RIT2: variants seen among roughly 807,000 people sequenced by gnomAD.
RIT2 encodes the protein Ras like without CAAX 2, also known as GTP-binding protein Rit2.
A neutral mutation model predicts 23.7 loss-of-function variants in RIT2; 24 were observed. The observed-to-expected ratio is 1.01, with a 90% CI of 0.73 to 1.43. The LOEUF (loss-of-function observed/expected upper bound fraction) is 1.43. Ranked by LOEUF, RIT2 falls within the 40% of genes most tolerant of loss-of-function variation. The pLI, the probability that RIT2 is intolerant of heterozygous loss-of-function variation, is 0.00. For synonymous variants in RIT2, 107 were observed against 91.1 expected (o/e 1.17, Z -0.99); for missense variants, 236 against 266.9 (o/e 0.88, Z 0.81).
intron 4 of RIT2, among the ~76,000 whole-genome samples, chr18:42,859,330 T>C (rs971838141): frequency 2.0e-5 from 3 of 152,248 alleles, no homozygotes; most frequent in Admixed American, 2.0e-4. Context: ...CCTGTGCATA[T>C]TGACCATTTA....
intron 2 of RIT2, among the ~76,000 whole-genome samples, chr18:42,978,781 A>G (rs1167911514): frequency 1.3e-5 from 2 of 152,148 alleles, no homozygotes; most frequent in African/African-American, 4.8e-5. Context: ...GCAGAATTGC[A>G]TAAGAAGAAA....
At chr18:43,085,633 G>A (rs930446883) in intron 1 of RIT2, among the ~76,000 whole-genome samples, 2 of 152,046 alleles carry the variant, frequency 1.3e-5, no homozygotes, top group African/African-American at 4.8e-5. Flanking sequence ...TTTGCATAAT[G>A]TCCTCCAGTT....
chr18:42,846,423 A>C (rs942600159), intron 4 of RIT2, among the ~76,000 whole-genome samples: 1 of 152,012 alleles, frequency 6.6e-6, no homozygotes, highest in Non-Finnish European at 1.5e-5. Context: ...TAAAAACATA[A>C]ACTTACATAA....
intron 4 of RIT2, among the ~76,000 whole-genome samples, chr18:42,751,161 C>T (rs866413197): frequency 6.6e-6 from 1 of 151,710 alleles, no homozygotes; most frequent in African/African-American, 2.4e-5. Flanking sequence ...GTCAGTGGTG[C>T]CCTGACATTG....
At chr18:43,105,502 G>GAGGAAGGAAGGAAGAAAGGC (rs1336223919) in intron 1 of RIT2, among the ~76,000 whole-genome samples, 1 of 57,498 alleles carries the variant, frequency 1.7e-5, no homozygotes, top group Admixed American at 2.2e-4. Context: ...GGAAGAAAGG[G>GAGGAAGGAAGGAAGAAAGGC]AGGGAGGGAG....
chr18:42,764,820 T>A (rs1193951664), intron 4 of RIT2, among the ~76,000 whole-genome samples: 2 of 152,252 alleles, frequency 1.3e-5, no homozygotes, highest in African/African-American at 4.8e-5. Context: ...GAGAAAGCTA[T>A]GAAGTATTAG....
chr18:42,852,377 A>C (rs1358405205), intron 4 of RIT2, among the ~76,000 whole-genome samples: 2 of 152,186 alleles, frequency 1.3e-5, no homozygotes, highest in Non-Finnish European at 2.9e-5. Flanking sequence ...ATCACAGATA[A>C]ATGTCCTATT....
intron 4 of RIT2, among the ~76,000 whole-genome samples, chr18:42,906,303 C>G (rs1032931321): frequency 4.0e-5 from 6 of 151,878 alleles, no homozygotes; most frequent in Non-Finnish European, 8.8e-5. Context: ...AGTAAAAAAT[C>G]AAATCTGTCT....
chr18:42,754,977 C>G, intron 4 of RIT2, among the ~76,000 whole-genome samples: 1 of 152,150 alleles, frequency 6.6e-6, no homozygotes, highest in Non-Finnish European at 1.5e-5. Context: ...GGCTACACCA[C>G]TTTTTAGCCA....
chr18:42,890,748 G>C (rs76770190), intron 4 of RIT2, among the ~76,000 whole-genome samples: 2 of 151,978 alleles, frequency 1.3e-5, no homozygotes, highest in East Asian at 3.9e-4. Flanking sequence ...CATTCTTTCA[G>C]CTATGTTGCC....
chr18:42,960,612 G>A (rs1229973315), intron 3 of RIT2, among the ~76,000 whole-genome samples: 1 of 152,136 alleles, frequency 6.6e-6, no homozygotes, highest in South Asian at 2.1e-4. Context: ...ACTGCACCCA[G>A]CCCTGCCAAT....
At chr18:42,798,473 T>G (rs1241210573) in intron 4 of RIT2, among the ~76,000 whole-genome samples, 5 of 152,228 alleles carry the variant, frequency 3.3e-5, no homozygotes, top group African/African-American at 1.2e-4. Flanking sequence ...TCCAATAGTT[T>G]ATAATAATAT....
chr18:42,923,561 T>C lies in RIT2; in HGVS notation c.426+11A>G, dbSNP rs1472662551. The stretch of plus-strand genomic sequence containing the variant: ...AAAAGACAGAAGCTACCAGATAAAA[T>C]CGGCACTCACCTGGCGGAACTGTTC... On this transcript the variant is annotated intron_variant, in intron 4 of 4. Coordinates refer to ENST00000326695, the MANE Select transcript of RIT2 (RefSeq NM_002930.4). 5 of 1,610,434 alleles carry C rather than the reference T, an allele frequency of 3.1e-6. No homozygotes were observed. Among genetic ancestry groups the C allele is most frequent in the Non-Finnish European group, 4.2e-6 (5 of 1,177,596 alleles).
At chr18:42,760,793 T>C (rs754903609) in intron 4 of RIT2, among the ~76,000 whole-genome samples, 4 of 152,226 alleles carry the variant, frequency 2.6e-5, no homozygotes, top group Non-Finnish European at 4.4e-5. Context: ...AGGGACCTTT[T>C]GCTTGTTTAT....
chr18:42,745,701 C>T (rs1420675830), intron 4 of RIT2, among the ~76,000 whole-genome samples: 1 of 151,936 alleles, frequency 6.6e-6, no homozygotes, highest in Admixed American at 6.6e-5. Context: ...AGCAATTGAG[C>T]AAAGTTATGT....
At chr18:42,868,499 ACAAAC>A (rs1907532324) in intron 4 of RIT2, among the ~76,000 whole-genome samples, 2 of 152,376 alleles carry the variant, frequency 1.3e-5, no homozygotes, top group East Asian at 1.9e-4. Flanking sequence ...GATGGATGTA[ACAAAC>A]ATTATTTTTA....
At chr18:42,831,250 C>T (rs941303196) in intron 4 of RIT2, among the ~76,000 whole-genome samples, 2 of 152,098 alleles carry the variant, frequency 1.3e-5, no homozygotes, top group Non-Finnish European at 2.9e-5. Flanking sequence ...AACATCTGTG[C>T]TTAGGATTGT....
chr18:42,760,614 G>A (rs966162191), intron 4 of RIT2, among the ~76,000 whole-genome samples: 14 of 152,152 alleles, frequency 9.2e-5, no homozygotes, highest in Non-Finnish European at 1.6e-4. Flanking sequence ...GAAATCAAAC[G>A]GCCTGGGTTC....
chr18:43,083,767 A>C (rs977174713), intron 1 of RIT2, among the ~76,000 whole-genome samples: 9 of 152,206 alleles, frequency 5.9e-5, no homozygotes, highest in African/African-American at 2.2e-4. Flanking sequence ...ATAAAACCTA[A>C]AACCATAAAA....
Sources: allele counts gnomAD v4.1 joint callset (sites outside exome capture counted in the v4.1 genomes callset), GRCh38; gene constraint gnomAD v4.1.1; transcripts MANE v1.5; gene names NCBI Gene and HGNC (gene_info 2026-07-23, HGNC 2026-07-21).